Variants in IL21R observed in about 807,000 individuals in gnomAD.
IL21R encodes the protein interleukin-21 receptor.
A neutral mutation model predicts 41.3 loss-of-function variants in IL21R; 14 were observed. The observed-to-expected ratio is 0.34, with a 90% CI of 0.22 to 0.53. The LOEUF (loss-of-function observed/expected upper bound fraction) is 0.53. Ranked by LOEUF, IL21R falls within the 20% of genes least tolerant of loss-of-function variation. IL21R has a pLI of 0.94. For missense variants in IL21R, 588 were observed against 681.6 expected (o/e 0.86, Z 1.53); for synonymous variants, 286 against 287.6 (o/e 0.99, Z 0.05).
rs1182367649 is a variant in IL21R, at chr16:27,406,277, C to T, written c.-17+3659C>T. On this transcript the variant is annotated intron_variant, in intron 1 of 8. Coordinates refer to ENST00000337929, the MANE Select transcript of IL21R (RefSeq NM_181078.3). ...TGCTCTACAAGCGGCCCCTCCTGGG[C>T]TGGAGGAAATGGAGCTGGAGTGAGA... is the stretch of plus-strand genomic sequence containing the variant. 2.6e-5 allele frequency among the ~76,000 whole-genome samples: 4 copies of T among 152,300 alleles called. 1 individual carries two copies. The highest frequency in any genetic ancestry group is 6.8e-3 in the Middle Eastern group (2 of 294).
intron 2 of IL21R, 64 bp downstream of exon 2, chr16:27,430,184 G>T: frequency 6.8e-7 from 1 of 1,462,894 alleles, no homozygotes; most frequent in Non-Finnish European, 9.4e-7. Flanking sequence ...AGCCAGGGCC[G>T]GGCTGGCTTT....
intron 1 of IL21R, among the ~76,000 whole-genome samples, chr16:27,408,741 C>G (rs2086784527): frequency 6.6e-6 from 1 of 152,132 alleles, no homozygotes; most frequent in African/African-American, 2.4e-5. Context: ...CTTTGTGATC[C>G]CTATAGGAAA....
intron 2 of IL21R, 33 bp from the exon 3 acceptor site, chr16:27,434,314 C>G (rs748193813): frequency 2.1e-6 from 3 of 1,405,140 alleles, no homozygotes; most frequent in South Asian, 1.1e-5. Context: ...AAGCCACCCC[C>G]CACCAAGGCC....
chr16:27,436,314 G>C (rs1366932347), intron 3 of IL21R, among the ~76,000 whole-genome samples: 3 of 152,270 alleles, frequency 2.0e-5, no homozygotes, highest in Admixed American at 2.0e-4. Context: ...CTGCTAGTGA[G>C]AAGGAGGAAG....
chr16:27,445,355 A>T (rs1171368885), intron 7 of IL21R, 79 bp downstream of exon 7: 9 of 866,342 alleles, frequency 1.0e-5, no homozygotes, highest in Non-Finnish European at 1.7e-5. Context: ...AGGGTTGGAA[A>T]ACATGACTGT....
In IL21R at chr16:27,446,119, G is replaced by A. The variant is rs182090846; in HGVS notation, c.867+31G>A. 35 of 1,586,250 alleles carry A rather than the reference G, an allele frequency of 2.2e-5. No individual in the cohort carries two copies. In the Admixed American group the frequency reaches 3.4e-4, roughly 15 times the overall value. On this transcript the variant is annotated intron_variant, in intron 8 of 8. Transcript: ENST00000337929. ...CTCCCGACCCTGTGATGAGCTCCTC[G>A]GAGCCCCTCCTCCTCTTCAGGAGCC...
At chr16:27,415,897 T>G (rs1490562207) in intron 1 of IL21R, among the ~76,000 whole-genome samples, 1 of 152,240 alleles carries the variant, frequency 6.6e-6, no homozygotes, top group Non-Finnish European at 1.5e-5. Flanking sequence ...TGACCTTGAC[T>G]GAATTTATGT....
rs967528809 is a variant in IL21R at position 27,445,005 on chromosome 16, T to C, written c.686-172T>C. ...GAGAAATGAAGTTACTTGCCTGGGG[T>C]GAGGAATGAGAACAAGATTTGAACC... On this transcript the variant is annotated intron_variant, in intron 6 of 8. Transcript: ENST00000337929. Among the ~76,000 whole-genome samples, 4 of 152,038 alleles carry C rather than the reference T, an allele frequency of 2.6e-5. No individual in the cohort carries two copies. In the South Asian group the frequency reaches 8.3e-4, roughly 32 times the overall value.
intron 1 of IL21R, among the ~76,000 whole-genome samples, chr16:27,415,766 C>A (rs1419912815): frequency 6.6e-6 from 1 of 152,174 alleles, no homozygotes; most frequent in Non-Finnish European, 1.5e-5. Context: ...CTTTAACGAT[C>A]ACCCATTTTT....
intron 1 of IL21R, among the ~76,000 whole-genome samples, chr16:27,407,889 C>A (rs2141256768): frequency 1.7e-5 from 1 of 58,574 alleles, no homozygotes; most frequent in East Asian, 6.7e-3. Context: ...GGCTCTCAAT[C>A]CCCTAAAGCT....
In IL21R at chr16:27,450,582, CTTTT is replaced by C. The variant is rs553596346; in HGVS notation, c.*1310_*1313del. 1 of 189,842 alleles carries C rather than the reference CTTTT, an allele frequency of 5.3e-6. No homozygotes were observed. Among genetic ancestry groups the C allele is most frequent in the Non-Finnish European group, 1.1e-5 (1 of 93,452 alleles). The allele number at this position is 189,842 out of a possible 1,614,324, so 11.8% of individuals were successfully genotyped here. Reference sequence around the variant, plus strand: ...TATTTCTTAGCAACATTTTCTTTTTCTTTTTTTTTTTTTTCTTTTGAGACAGAGT... The same window carrying C: ...TATTTCTTAGCAACATTTTCTTTTTCTTTTTTTTTTCTTTTGAGACAGAGT... On this transcript the variant is annotated 3_prime_UTR_variant, in exon 9 of 9. Coordinates refer to ENST00000337929, the MANE Select transcript of IL21R (RefSeq NM_181078.3).
At chr16:27,420,813 A>G (rs1596574384) in intron 1 of IL21R, among the ~76,000 whole-genome samples, 1 of 152,302 alleles carries the variant, frequency 6.6e-6, no homozygotes, top group East Asian at 1.9e-4. Flanking sequence ...AAATTTTGAT[A>G]CAGTTTAATA....
At chr16:27,433,011 C>T (rs1050898077) in intron 2 of IL21R, among the ~76,000 whole-genome samples, 1 of 152,182 alleles carries the variant, frequency 6.6e-6, no homozygotes, top group African/African-American at 2.4e-5. Flanking sequence ...GTTCTCATCT[C>T]TACAATGAAC....
chr16:27,428,779 T>G (rs1226515523), intron 1 of IL21R, among the ~76,000 whole-genome samples: 1 of 152,352 alleles, frequency 6.6e-6, no homozygotes, highest in South Asian at 2.1e-4. Flanking sequence ...CTCTGTTTGG[T>G]CAGGCCTGGA....
chr16:27,429,078 G>C (rs2087123932), intron 1 of IL21R, among the ~76,000 whole-genome samples: 1 of 152,068 alleles, frequency 6.6e-6, no homozygotes, highest in Non-Finnish European at 1.5e-5. Flanking sequence ...ACAAAAATTA[G>C]CCAGGCGTGG....
At chr16:27,411,327 A>T (rs2086818454) in intron 1 of IL21R, among the ~76,000 whole-genome samples, 1 of 152,054 alleles carries the variant, frequency 6.6e-6, no homozygotes. Context: ...TAACAAGTGC[A>T]AGATGATATC....
At chr16:27,434,236 G>A (rs1253520905) in intron 2 of IL21R, 111 bp from the exon 3 acceptor site, 14 of 699,464 alleles carry the variant, frequency 2.0e-5, no homozygotes, top group Non-Finnish European at 3.5e-5. Flanking sequence ...ATTTGTCCCG[G>A]CCTGGGGACC....
Position 27,449,435 on chromosome 16 carries a change from CA to C in IL21R, c.*153del. On this transcript the variant is annotated 3_prime_UTR_variant, in exon 9 of 9. Transcript: ENST00000337929. ...TTTACAGTGTCTGTGTGTGTGTGTG[CA>C]TATGTGTGTGTGTGCATATGCATGT... is the stretch of plus-strand genomic sequence containing the variant. The C allele has an allele frequency of 1.4e-6, 1 of 721,718 alleles. No individual in the cohort carries two copies. Among genetic ancestry groups the C allele is most frequent in the Non-Finnish European group, 2.2e-6 (1 of 450,554 alleles). 44.7% of individuals were successfully genotyped at this position (721,718 alleles called of 1,614,324 possible).
chr16:27,427,105 A>G (rs1453381461), intron 1 of IL21R: 2 of 157,488 alleles, frequency 1.3e-5, no homozygotes, highest in African/African-American at 4.8e-5. Flanking sequence ...CTAGAAAAAA[A>G]ATCTCAGGAC....
Sources: allele counts gnomAD v4.1 joint callset (sites outside exome capture counted in the v4.1 genomes callset), GRCh38; gene constraint gnomAD v4.1.1; transcripts MANE v1.5; gene names NCBI Gene and HGNC (gene_info 2026-07-23, HGNC 2026-07-21).